The following BMPR1A variants were observed in gnomAD, a reference collection of about 807,000 sequenced individuals.
BMPR1A encodes bone morphogenetic protein receptor type 1A, also known as bone morphogenetic protein receptor type-1A.
BMPR1A carries 7 observed loss-of-function variants against 66.0 expected under a neutral mutation model. The ratio of observed to expected loss-of-function variants is 0.11; its 90% confidence interval spans 0.06 to 0.20. BMPR1A has a LOEUF of 0.20. Ranked by LOEUF, BMPR1A falls within the 10% of genes least tolerant of loss-of-function variation. The pLI is 1.00. For synonymous variants in BMPR1A, 200 were observed against 229.7 expected (o/e 0.87, Z 1.17); for missense variants, 408 against 669.1 (o/e 0.61, Z 4.31).
At chr10:86,857,009 A>T (rs971936236) in intron 2 of BMPR1A, among the ~76,000 whole-genome samples, 1 of 152,212 alleles carries the variant, frequency 6.6e-6, no homozygotes, top group African/African-American at 2.4e-5. Context: ...TTCTCCTGGG[A>T]TCAGGGTATG....
At chr10:86,845,822 C>T (rs1209223045) in intron 2 of BMPR1A, among the ~76,000 whole-genome samples, 1 of 151,904 alleles carries the variant, frequency 6.6e-6, no homozygotes, top group Non-Finnish European at 1.5e-5. Context: ...ATGGTGAAAC[C>T]CCGTCTCTAC....
At chr10:86,896,165 GAA>G (rs35504090) in intron 5 of BMPR1A, among the ~76,000 whole-genome samples, 20 of 103,768 alleles carry the variant, frequency 1.9e-4, no homozygotes, top group African/African-American at 5.0e-4. Context: ...AAAAAGAAAA[GAA>G]AAAAAAAAAA....
At chr10:86,844,877 A>G (rs931434430) in intron 2 of BMPR1A, among the ~76,000 whole-genome samples, 17 of 152,156 alleles carry the variant, frequency 1.1e-4, no homozygotes, top group African/African-American at 3.6e-4. Flanking sequence ...CCTGGGTTCA[A>G]GTGGTTCTCC....
chr10:86,922,513 C>T (rs1326792204), intron 11 of BMPR1A, among the ~76,000 whole-genome samples: 1 of 152,148 alleles, frequency 6.6e-6, no homozygotes, highest in African/African-American at 2.4e-5. Flanking sequence ...CTTGAAGGAC[C>T]ACAGGACTCG....
At chr10:86,847,375 G>A (rs1045351498) in intron 2 of BMPR1A, among the ~76,000 whole-genome samples, 1 of 151,874 alleles carries the variant, frequency 6.6e-6, no homozygotes, top group Non-Finnish European at 1.5e-5. Flanking sequence ...CAGTCTCGGT[G>A]TCACAGATAC....
chr10:86,818,306 C>T (rs900631168), intron 1 of BMPR1A, among the ~76,000 whole-genome samples: 3 of 152,166 alleles, frequency 2.0e-5, no homozygotes, highest in Non-Finnish European at 1.5e-5. Flanking sequence ...TGTGAGCCAC[C>T]GTGTCCCGCC....
chr10:86,887,717 ATATAT>A (rs1302847547), intron 3 of BMPR1A, among the ~76,000 whole-genome samples: 1 of 152,146 alleles, frequency 6.6e-6, no homozygotes, highest in African/African-American at 2.4e-5. Context: ...AGTTGCTGTG[ATATAT>A]TATATACTGT....
intron 3 of BMPR1A, among the ~76,000 whole-genome samples, chr10:86,885,060 C>T (rs1035664054): frequency 2.6e-5 from 4 of 152,164 alleles, no homozygotes; most frequent in Non-Finnish European, 5.9e-5. Flanking sequence ...CTTTTCTTCT[C>T]CCTTTGATTT....
chr10:86,803,396 A>C (rs896029027), intron 1 of BMPR1A, among the ~76,000 whole-genome samples: 1 of 152,146 alleles, frequency 6.6e-6, no homozygotes, highest in African/African-American at 2.4e-5. Context: ...ATAACAATTT[A>C]CATCAGCCAC....
chr10:86,923,091 A>G (rs1843690742), intron 11 of BMPR1A, among the ~76,000 whole-genome samples: 1 of 152,256 alleles, frequency 6.6e-6, no homozygotes, highest in Non-Finnish European at 1.5e-5. Context: ...CTTTAGGGTA[A>G]ATGGCTGATT....
At position 86,835,549 on chromosome 10, in the gene BMPR1A, C is replaced by CAA. The variant is rs55804247; in HGVS notation, c.-267-3278_-267-3277dup. 9.7e-3 allele frequency among the ~76,000 whole-genome samples: 430 copies of CAA among 44,320 alleles called. 84 individuals carry two copies. The highest frequency in any genetic ancestry group is 0.011 in the African/African-American group (108 of 9,630). The allele number at this position is 44,320 out of a possible 152,430, so 29.1% of individuals were successfully genotyped here. On this transcript the variant is annotated intron_variant, in intron 1 of 12. Transcript: ENST00000372037. ...CTGGGTGACAAGCAAGACTCTGTAT[C>CAA]AAAAAAAAAAAAAAAAAAAAAAAAA...
chr10:86,855,010 C>G (rs1199619105), intron 2 of BMPR1A: 7 of 199,620 alleles, frequency 3.5e-5, no homozygotes, highest in Admixed American at 2.4e-4. Context: ...AACCTCCACT[C>G]CCTGCAACCT....
At position 86,920,927 on chromosome 10, in the gene BMPR1A, C is replaced by A. The variant is rs530498223; in HGVS notation, c.1167-593C>A. ...CTGGAGTGCAGTGGCATGGTCTCGG[C>A]TCACTGCAGTCTCCGCCTCCCAGGT... On this transcript the variant is annotated intron_variant, in intron 10 of 12. Coordinates refer to ENST00000372037, the MANE Select transcript of BMPR1A (RefSeq NM_004329.3). 3.7e-4 allele frequency among the ~76,000 whole-genome samples: 54 copies of A among 146,212 alleles called. No individual in the cohort carries two copies. In the South Asian group the frequency reaches 4.1e-3, roughly 11 times the overall value.
At chr10:86,871,802 C>CAA (rs35659562) in intron 2 of BMPR1A, among the ~76,000 whole-genome samples, 2 of 123,858 alleles carry the variant, frequency 1.6e-5, no homozygotes, top group Admixed American at 8.0e-5. Context: ...ACTCTGCCTC[C>CAA]AAAAAAAAAA....
At chr10:86,842,729 C>A (rs11202222) in intron 2 of BMPR1A, among the ~76,000 whole-genome samples, 1 of 152,156 alleles carries the variant, frequency 6.6e-6, no homozygotes, top group East Asian at 1.9e-4. Context: ...CTCATAGTTC[C>A]ATGTGGCTAG....
At chr10:86,837,261 G>GTGTC (rs1004880106) in intron 1 of BMPR1A, among the ~76,000 whole-genome samples, 4 of 151,242 alleles carry the variant, frequency 2.6e-5, no homozygotes, top group Non-Finnish European at 5.9e-5. Flanking sequence ...GTGTGTGTGT[G>GTGTC]TGTGTGTGTG....
chr10:86,785,550 C>T (rs1198950129), intron 1 of BMPR1A, among the ~76,000 whole-genome samples: 1 of 152,188 alleles, frequency 6.6e-6, no homozygotes, highest in Admixed American at 6.5e-5. Flanking sequence ...GGTGATCTGC[C>T]CACTTGGCCT....
intron 2 of BMPR1A, among the ~76,000 whole-genome samples, 160 bp from the exon 3 acceptor site, chr10:86,875,707 A>T (rs1407610926): frequency 6.6e-6 from 1 of 151,784 alleles, no homozygotes; most frequent in African/African-American, 2.4e-5. Flanking sequence ...GAAGTTTGAA[A>T]TTATAGTGCC....
At chr10:86,792,966 C>G (rs2354351) in intron 1 of BMPR1A, among the ~76,000 whole-genome samples, 37,035 of 152,038 alleles carry the variant, frequency 0.24, 5,712 homozygotes, top group East Asian at 0.64. Context: ...AGCTTCTTGG[C>G]AAATACTCTG....
Sources: allele counts gnomAD v4.1 joint callset (sites outside exome capture counted in the v4.1 genomes callset), GRCh38; gene constraint gnomAD v4.1.1; transcripts MANE v1.5; gene names NCBI Gene and HGNC (gene_info 2026-07-23, HGNC 2026-07-21).